Variants in TSPAN1 observed in about 807,000 individuals in gnomAD.
The protein encoded by TSPAN1 is tetraspanin 1.
A neutral mutation model predicts 26.9 loss-of-function variants in TSPAN1; 23 were observed. The ratio of observed to expected loss-of-function variants is 0.85; its 90% CI spans 0.62 to 1.21. TSPAN1 has a LOEUF of 1.21. TSPAN1 is among the 50% of genes most tolerant of loss of function. The pLI, the probability that TSPAN1 is intolerant of heterozygous loss-of-function variation, is 0.00. For missense variants in TSPAN1, 283 were observed against 298.4 expected, an observed-to-expected ratio of 0.95 and a Z score of 0.38; for synonymous variants, 115 against 114.8, an observed-to-expected ratio of 1.00 and a Z score of -0.01.
At chr1:46,194,647 A>G in the TSPAN1 span, 1 of 1,614,234 alleles carries the variant, frequency 6.2e-7, no homozygotes. Context: ...CCCCGAAGAC[A>G]GGACCTGGCA....
At chr1:46,182,304 C>CAAGAAAAAAAAAAAAAAAAAAAAAAAA (rs1657330082) in intron 3 of TSPAN1, among the ~76,000 whole-genome samples, 1 of 30,162 alleles carries the variant, frequency 3.3e-5, no homozygotes, top group Non-Finnish European at 6.2e-5. Flanking sequence ...TAGGGATAAG[C>CAAGAAAAAAAAAAAAAAAAAAAAAAAA]AAAAAAAAAA....
chr1:46,191,600 C>T, the TSPAN1 span: 3 of 233,086 alleles, frequency 1.3e-5, no homozygotes, highest in African/African-American at 6.8e-5. Flanking sequence ...CTCATTTAAA[C>T]CTCAAAATAT....
the TSPAN1 span, chr1:46,192,723 T>C: frequency 6.3e-7 from 1 of 1,597,326 alleles, no homozygotes; most frequent in South Asian, 1.1e-5. Flanking sequence ...AAATCCCCAC[T>C]GTCTCCATTC....
downstream of TSPAN1, chr1:46,190,189 C>T (rs1190721637): frequency 2.8e-5 from 19 of 688,946 alleles, no homozygotes; most frequent in South Asian, 3.9e-5. Flanking sequence ...GGACTACAGG[C>T]GCCTGCCACC....
chr1:46,192,423 G>GT, the TSPAN1 span: 1 of 1,614,158 alleles, frequency 6.2e-7, no homozygotes, highest in Non-Finnish European at 8.5e-7. Context: ...GTCCTCAGCC[G>GT]TGTGTTCATA....
At chr1:46,184,035 G>A (rs1657368867) in intron 3 of TSPAN1, 156 bp from the exon 4 acceptor site, 5 of 731,374 alleles carry the variant, frequency 6.8e-6, no homozygotes, top group Middle Eastern at 3.8e-4. Flanking sequence ...CATTTTTCTG[G>A]CTCTAGAGGA....
chr1:46,185,550 G>A lies in TSPAN1; in HGVS notation c.*17G>A, dbSNP rs199685801. ...CTACAATAAGTCCACTTCTGCCTCT[G>A]CCACTACTGCTGCCACATGGGAACT... On this transcript the variant is annotated 3_prime_UTR_variant, in exon 9 of 9. Transcript: ENST00000372003. 2.2e-5 allele frequency: 35 copies of A among 1,613,880 alleles called. No individual in the cohort carries two copies. Among genetic ancestry groups the A allele is most frequent in the Non-Finnish European group, 2.6e-5 (31 of 1,179,866 alleles).
the TSPAN1 span, chr1:46,193,748 C>A: frequency 1.3e-6 from 2 of 1,596,506 alleles, no homozygotes; most frequent in Non-Finnish European, 1.7e-6. Flanking sequence ...GAGGTGAATG[C>A]GTCTAGAATC....
chr1:46,193,828 C>T, the TSPAN1 span: 2 of 1,613,318 alleles, frequency 1.2e-6, no homozygotes, highest in Non-Finnish European at 1.7e-6. Flanking sequence ...CTGTTCAGTG[C>T]TGGGTATAGC....
chr1:46,189,560 T>G (rs1657583670), downstream of TSPAN1: 2 of 1,611,278 alleles, frequency 1.2e-6, no homozygotes, highest in African/African-American at 2.7e-5. Flanking sequence ...GTCCCAGATA[T>G]GGAGGCACTA....
At chr1:46,192,687 T>C in the TSPAN1 span, 1 of 1,600,850 alleles carries the variant, frequency 6.2e-7, no homozygotes. Context: ...CAGGAGCACC[T>C]CCTTCCTGGA....
the TSPAN1 span, chr1:46,193,784 G>A: frequency 6.2e-6 from 10 of 1,604,620 alleles, no homozygotes; most frequent in Non-Finnish European, 7.7e-6. Context: ...CACCTCAAGA[G>A]TTCCTCCTGG....
intron 3 of TSPAN1, among the ~76,000 whole-genome samples, chr1:46,182,981 T>TA (rs1294374444): frequency 1.1e-4 from 16 of 152,158 alleles, no homozygotes; most frequent in South Asian, 2.1e-4. Context: ...CTCAGCTAAT[T>TA]AAAAAAAATT....
chr1:46,193,532 T>C, the TSPAN1 span: 10 of 1,613,986 alleles, frequency 6.2e-6, no homozygotes, highest in Non-Finnish European at 8.5e-6. Context: ...CATGTTGTAC[T>C]CCACCCGAGG....
At position 46,183,992 on chromosome 1, in the gene TSPAN1, C is replaced by T. The variant is rs547289346; in HGVS notation, c.58-199C>T. ...TCTCCTTTATATCTGCCCAGGTGTG[C>T]AGCCTGGTCCTAGCTATGCATATCC... On this transcript the variant is annotated intron_variant, in intron 3 of 8. Coordinates refer to ENST00000372003, the MANE Select transcript of TSPAN1 (RefSeq NM_005727.4). 9 of 615,674 alleles carry T rather than the reference C, an allele frequency of 1.5e-5. No homozygotes were observed. The South Asian group carries it at 1.8e-4, about 12-fold the overall frequency. 38.1% of individuals were successfully genotyped at this position (615,674 alleles called of 1,614,324 possible).
At chr1:46,189,384 G>C (rs776467695), downstream of TSPAN1, 3 of 1,614,064 alleles carry the variant, frequency 1.9e-6, no homozygotes, top group South Asian at 3.3e-5. Flanking sequence ...AGAATGTATA[G>C]AGAAGAAGCC....
At chr1:46,182,688 C>A (rs1447379384) in intron 3 of TSPAN1, among the ~76,000 whole-genome samples, 1 of 152,040 alleles carries the variant, frequency 6.6e-6, no homozygotes, top group Admixed American at 6.6e-5. Flanking sequence ...CCAGCCTGGG[C>A]GACAGAGTTT....
downstream of TSPAN1, chr1:46,190,850 A>G (rs1657710369): frequency 7.0e-7 from 1 of 1,432,686 alleles, no homozygotes; most frequent in African/African-American, 1.4e-5. Flanking sequence ...CTTGCTGACC[A>G]GCCAGACATC....
chr1:46,193,116 G>A, the TSPAN1 span: 1 of 1,611,964 alleles, frequency 6.2e-7, no homozygotes, highest in Non-Finnish European at 8.5e-7. Flanking sequence ...AACAGGCCCA[G>A]ACCTTATGCC....
Sources: allele counts gnomAD v4.1 joint callset (sites outside exome capture counted in the v4.1 genomes callset), GRCh38; gene constraint gnomAD v4.1.1; transcripts MANE v1.5; gene names NCBI Gene and HGNC (gene_info 2026-07-23, HGNC 2026-07-21).